NEDD4: variants seen among roughly 807,000 people sequenced by gnomAD.
NEDD4 encodes NEDD4 E3 ubiquitin protein ligase.
In NEDD4, 99 loss-of-function variants were observed where a neutral mutation model predicts 144.9. That is an observed-to-expected ratio of 0.68 (90% CI 0.58 to 0.81). The LOEUF (loss-of-function observed/expected upper bound fraction) is 0.81, where lower values mean the gene tolerates loss of function less well. Ranked by LOEUF, NEDD4 falls within the 30% of genes least tolerant of loss-of-function variation. NEDD4 has a pLI of 0.00. For synonymous variants in NEDD4, 318 were observed against 350.6 expected (o/e 0.91, Z 1.04); for missense variants, 985 against 1,065.9 (o/e 0.92, Z 1.06).
chr15:55,913,065 G>T (rs1253694761), intron 5 of NEDD4, among the ~76,000 whole-genome samples: 1 of 152,094 alleles, frequency 6.6e-6, no homozygotes, highest in Non-Finnish European at 1.5e-5. Flanking sequence ...CTAGAGACTG[G>T]TAGCTAAACA....
At chr15:55,869,279 CA>C in intron 8 of NEDD4, among the ~76,000 whole-genome samples, 1 of 152,246 alleles carries the variant, frequency 6.6e-6, no homozygotes, top group Admixed American at 6.5e-5. Context: ...TATTTAACTT[CA>C]AAATACTAAA....
intron 4 of NEDD4, among the ~76,000 whole-genome samples, chr15:55,934,068 G>C (rs1433578573): frequency 1.3e-5 from 2 of 152,178 alleles, no homozygotes; most frequent in Non-Finnish European, 2.9e-5. Flanking sequence ...CAGGAGAACA[G>C]CTTGAACCCA....
At chr15:55,830,270 G>GGAC (rs572901080) in intron 28 of NEDD4, among the ~76,000 whole-genome samples, 67 of 152,278 alleles carry the variant, frequency 4.4e-4, no homozygotes, top group African/African-American at 1.4e-3. Flanking sequence ...GCCTGTCTTG[G>GGAC]GACAGCCCAT....
intron 19 of NEDD4, 27 bp from the exon 20 acceptor site, chr15:55,840,754 T>G (rs762268530): frequency 6.3e-7 from 1 of 1,585,684 alleles, no homozygotes; most frequent in East Asian, 2.2e-5. Context: ...ATTTAAATAC[T>G]TCATTTGAAA....
chr15:55,881,866 G>A (rs1432162171), intron 5 of NEDD4, among the ~76,000 whole-genome samples: 1 of 151,978 alleles, frequency 6.6e-6, no homozygotes, highest in Non-Finnish European at 1.5e-5. Flanking sequence ...TGTTGTGGGG[G>A]CTGTCTTGTG....
At chr15:55,924,749 G>C (rs1372557428) in intron 4 of NEDD4, 50 bp from the exon 5 acceptor site, 28 of 1,530,320 alleles carry the variant, frequency 1.8e-5, no homozygotes, top group Non-Finnish European at 2.5e-5. Context: ...TCAACCCACA[G>C]ATACTCAGAA....
chr15:55,839,501 A>G (rs1380573432), intron 21 of NEDD4, among the ~76,000 whole-genome samples: 3 of 152,232 alleles, frequency 2.0e-5, no homozygotes, highest in African/African-American at 7.2e-5. Flanking sequence ...TAATAAGAAA[A>G]GAATAAAAAA....
chr15:55,845,798 CTTTTTTT>C (rs11449030), intron 18 of NEDD4, among the ~76,000 whole-genome samples: 1 of 143,152 alleles, frequency 7.0e-6, no homozygotes, highest in African/African-American at 2.6e-5. Flanking sequence ...TTTCTTTTTT[CTTTTTTT>C]TTTTTTGAGA....
intron 27 of NEDD4, among the ~76,000 whole-genome samples, chr15:55,831,987 G>A (rs767437074): frequency 2.0e-5 from 3 of 151,966 alleles, no homozygotes; most frequent in Non-Finnish European, 4.4e-5. Context: ...ATCAGAAATG[G>A]CACTTTTAAA....
chr15:55,923,076 T>C (rs35142499), intron 5 of NEDD4, among the ~76,000 whole-genome samples: 10,527 of 151,828 alleles, frequency 0.069, 476 homozygotes, highest in Non-Finnish European at 0.1. Flanking sequence ...CCCAGCTACT[T>C]GGAAGGCTGA....
chr15:55,873,476 G>C lies in NEDD4; in HGVS notation c.342+482C>G, dbSNP rs1293133176. On this transcript the variant is annotated intron_variant, in intron 6 of 28. Coordinates refer to ENST00000435532, the MANE Select transcript of NEDD4 (RefSeq NM_006154.4). ...CACTCTTATCTTCCAAGTTCAACTT[G>C]TATTATCTTTACTTCTTGCTTATTT... 2.4e-3 allele frequency among the ~76,000 whole-genome samples: 358 copies of C among 152,236 alleles called. 2 individuals are homozygous for C. The highest frequency in any genetic ancestry group is 8.2e-3 in the African/African-American group (341 of 41,540).
At chr15:55,891,746 C>T (rs1270859432) in intron 5 of NEDD4, among the ~76,000 whole-genome samples, 3 of 151,938 alleles carry the variant, frequency 2.0e-5, no homozygotes, top group African/African-American at 7.3e-5. Context: ...ATTTTTAGAA[C>T]ATAAAAAGAA....
intron 5 of NEDD4, among the ~76,000 whole-genome samples, chr15:55,913,227 C>T (rs1595836536): frequency 6.6e-6 from 1 of 152,016 alleles, no homozygotes; most frequent in Admixed American, 6.6e-5. Context: ...CCGGACTCAG[C>T]ATATCAGAAT....
chr15:55,854,142 C>T (rs868615905), intron 12 of NEDD4, among the ~76,000 whole-genome samples: 3 of 152,076 alleles, frequency 2.0e-5, no homozygotes, highest in African/African-American at 7.2e-5. Context: ...GAGCAAGACT[C>T]CATCCCCCTC....
intron 21 of NEDD4, 35 bp from the exon 22 acceptor site, chr15:55,838,639 T>C (rs1377582500): frequency 2.8e-6 from 4 of 1,441,034 alleles, no homozygotes; most frequent in Admixed American, 3.4e-5. Flanking sequence ...AAAATTTGTA[T>C]CTATAACACA....
Position 55,916,173 on chromosome 15 carries a change from T to C in NEDD4, c.291+8473A>G. 4 of 1,613,998 alleles carry C rather than the reference T, an allele frequency of 2.5e-6. No individual in the cohort carries two copies. The South Asian group carries it at 4.4e-5, about 18-fold the overall frequency. ...TGAAAAAATTTCACAAGGAGTAGTA[T>C]TCCTGTTTGGCACACTTCTATTGGA... On this transcript the variant is annotated intron_variant, in intron 5 of 28. Coordinates refer to ENST00000435532, the MANE Select transcript of NEDD4 (RefSeq NM_006154.4).
intron 1 of NEDD4, among the ~76,000 whole-genome samples, chr15:55,988,474 TA>T (rs71441419): frequency 0.11 from 4,218 of 37,374 alleles, 89 homozygotes; most frequent in East Asian, 0.23. Context: ...TAGAGTATAA[TA>T]AAAAAAAAAA....
intron 2 of NEDD4, among the ~76,000 whole-genome samples, chr15:55,960,002 C>G (rs1315329629): frequency 4.6e-5 from 7 of 152,148 alleles, no homozygotes; most frequent in African/African-American, 1.7e-4. Context: ...GTTTCCAGTT[C>G]TCTACCTCCT....
chr15:55,846,712 G>A lies in NEDD4; in HGVS notation c.1608+257C>T, dbSNP rs571206301. On this transcript the variant is annotated intron_variant, in intron 18 of 28. Coordinates refer to ENST00000435532, the MANE Select transcript of NEDD4 (RefSeq NM_006154.4). Reference sequence around the variant, plus strand: ...CATAAACCCCACAGGGATACACCAGGTTAGAGCTCTGGAAAGCAAACTTTA... The same window carrying A: ...CATAAACCCCACAGGGATACACCAGATTAGAGCTCTGGAAAGCAAACTTTA... Among the ~76,000 whole-genome samples the A allele has an allele frequency of 2.6e-5, 4 of 152,152 alleles. No homozygotes were observed. The South Asian group carries it at 8.3e-4, about 32-fold the overall frequency.
Sources: allele counts gnomAD v4.1 joint callset (sites outside exome capture counted in the v4.1 genomes callset), GRCh38; gene constraint gnomAD v4.1.1; transcripts MANE v1.5; gene names NCBI Gene and HGNC (gene_info 2026-07-23, HGNC 2026-07-21).